OPCML: variants seen among roughly 807,000 people sequenced by gnomAD.
The protein encoded by OPCML is opioid binding protein/cell adhesion molecule like.
OPCML carries 13 observed loss-of-function variants against 37.8 expected under a neutral mutation model. The observed-to-expected ratio is 0.34, with a 90% CI of 0.22 to 0.55. OPCML has a LOEUF of 0.55. Among genes scored for constraint, OPCML ranks in the 20% least tolerant of loss-of-function variants. The probability of loss-of-function intolerance (pLI) is 0.91; values close to 1 mark genes in which losing one functional copy is unlikely to be tolerated. For missense variants in OPCML, 341 were observed against 435.6 expected, an observed-to-expected ratio of 0.78 and a Z score of 1.93; for synonymous variants, 176 against 168.8, an observed-to-expected ratio of 1.04 and a Z score of -0.33.
intron 1 of OPCML, among the ~76,000 whole-genome samples, chr11:133,524,314 G>T (rs1053194943): frequency 6.6e-6 from 1 of 152,176 alleles, no homozygotes; most frequent in Non-Finnish European, 1.5e-5. Context: ...CCTGTGATTT[G>T]CTAAGCTGCT....
At chr11:133,241,330 G>A (rs371939407) in intron 1 of OPCML, among the ~76,000 whole-genome samples, 4 of 152,112 alleles carry the variant, frequency 2.6e-5, no homozygotes, top group Non-Finnish European at 4.4e-5. Flanking sequence ...AATTATTCCC[G>A]AAAAATGAAT....
At chr11:132,697,198 A>G (rs1050662571) in intron 2 of OPCML, among the ~76,000 whole-genome samples, 2 of 152,250 alleles carry the variant, frequency 1.3e-5, no homozygotes, top group Non-Finnish European at 2.9e-5. Flanking sequence ...ATGTTTTGAT[A>G]TATGTATACA....
In OPCML at chr11:132,804,961, C is replaced by A. The variant is rs1158024763; in HGVS notation, c.146+137965G>T. On this transcript the variant is annotated intron_variant, in intron 2 of 7. Coordinates refer to ENST00000524381, the MANE Select transcript of OPCML (RefSeq NM_001012393.5). The stretch of plus-strand genomic sequence containing the variant: ...CACTGAACCCAGATGTTAGAGTTAG[C>A]AGACAAATATTTAAAGCAGCCATTA... Among the ~76,000 whole-genome samples, 3 of 152,088 alleles carry A rather than the reference C, an allele frequency of 2.0e-5. No homozygotes were observed. In the East Asian group the frequency reaches 5.8e-4, roughly 29 times the overall value.
At position 133,458,401 on chromosome 11, in the gene OPCML, T is replaced by A. The variant is rs186610362; in HGVS notation, c.61+73863A>T. On this transcript the variant is annotated intron_variant, in intron 1 of 7. Transcript: ENST00000524381. The stretch of plus-strand genomic sequence containing the variant: ...ACACGTGTGTGTATATATATACACA[T>A]ATATACACGTGTGTGTATATATATA... Among the ~76,000 whole-genome samples, 10 of 48,040 alleles carry A rather than the reference T, an allele frequency of 2.1e-4. 2 individuals are homozygous for A. The highest frequency in any genetic ancestry group is 1.7e-3 in the South Asian group (2 of 1,168). 31.5% of individuals were successfully genotyped at this position (48,040 alleles called of 152,430 possible). A position where few individuals can be genotyped will look rare whatever the true frequency, so the allele number is the denominator to read the frequency against.
chr11:132,597,203 AC>A (rs1329746157), intron 3 of OPCML, among the ~76,000 whole-genome samples: 42 of 152,332 alleles, frequency 2.8e-4, no homozygotes, highest in African/African-American at 1.0e-3. Context: ...TTCTGCAGCT[AC>A]CTCAGCTTAA....
At chr11:132,863,029 C>T (rs2136365355) in intron 2 of OPCML, among the ~76,000 whole-genome samples, 1 of 152,336 alleles carries the variant, frequency 6.6e-6, no homozygotes, top group Admixed American at 6.5e-5. Context: ...TCTGCATACA[C>T]TGTATGCCTG....
chr11:132,436,344 A>C, intron 6 of OPCML, 107 bp from the exon 7 acceptor site: 1 of 1,590,152 alleles, frequency 6.3e-7, no homozygotes, highest in Non-Finnish European at 8.5e-7. Flanking sequence ...AACCCTAAGC[A>C]CTTCAGTGTC....
intron 1 of OPCML, among the ~76,000 whole-genome samples, chr11:133,417,633 AC>A (rs1021866600): frequency 2.4e-5 from 3 of 122,866 alleles, no homozygotes; most frequent in African/African-American, 1.1e-4. Context: ...ATCCCTCCCC[AC>A]TCCCCCGACC....
chr11:133,050,664 T>G (rs2136964558), intron 1 of OPCML, among the ~76,000 whole-genome samples: 1 of 152,222 alleles, frequency 6.6e-6, no homozygotes, highest in South Asian at 2.1e-4. Context: ...TTCTTAGGAT[T>G]TAGTTTCACA....
chr11:133,127,958 G>A (rs1949542427), intron 1 of OPCML, among the ~76,000 whole-genome samples: 1 of 152,048 alleles, frequency 6.6e-6, no homozygotes, highest in Non-Finnish European at 1.5e-5. Context: ...GCATATGGAA[G>A]ACAATGTGGT....
Position 133,058,581 on chromosome 11 carries a change from G to T in OPCML, c.62-115571C>A, listed in dbSNP as rs182930427. On this transcript the variant is annotated intron_variant, in intron 1 of 7. Transcript: ENST00000524381. Reference sequence around the variant, plus strand: ...GCACCTCCTAGAGCCTAGAGTATCAGAAAGCAGCTAGTCCCGCTCCCATCA... The same window carrying T: ...GCACCTCCTAGAGCCTAGAGTATCATAAAGCAGCTAGTCCCGCTCCCATCA... 2.8e-3 allele frequency among the ~76,000 whole-genome samples: 426 copies of T among 152,240 alleles called. 2 individuals are homozygous for T. Among genetic ancestry groups the T allele is most frequent in the Admixed American group, 4.4e-3 (68 of 15,296 alleles).
chr11:133,314,164 G>A (rs1313094553), intron 1 of OPCML, among the ~76,000 whole-genome samples: 1 of 146,272 alleles, frequency 6.8e-6, no homozygotes, highest in African/African-American at 2.6e-5. Flanking sequence ...GAACCCAGGA[G>A]TCGGAGCTTG....
intron 1 of OPCML, among the ~76,000 whole-genome samples, chr11:133,235,626 G>A (rs1323059713): frequency 6.6e-6 from 1 of 152,198 alleles, no homozygotes; most frequent in Admixed American, 6.5e-5. Context: ...AGAGCTGCAA[G>A]AGGTAAAGCT....
intron 1 of OPCML, among the ~76,000 whole-genome samples, chr11:133,092,349 T>C (rs917797456): frequency 7.9e-5 from 12 of 152,160 alleles, no homozygotes; most frequent in Admixed American, 3.3e-4. Context: ...GGGCATCTAA[T>C]ACAAGGTCAA....
chr11:132,667,885 C>T (rs755864141), intron 2 of OPCML, among the ~76,000 whole-genome samples: 1 of 152,216 alleles, frequency 6.6e-6, no homozygotes, highest in Non-Finnish European at 1.5e-5. Context: ...TGACAATATT[C>T]TGCTAGCTTT....
chr11:133,314,899 A>T (rs1943167601), intron 1 of OPCML, among the ~76,000 whole-genome samples: 3 of 152,246 alleles, frequency 2.0e-5, no homozygotes, highest in Admixed American at 1.3e-4. Flanking sequence ...AATCTTGGCA[A>T]TCAGCGTAAC....
chr11:132,689,287 C>T (rs1283170407), intron 2 of OPCML, among the ~76,000 whole-genome samples: 2 of 152,034 alleles, frequency 1.3e-5, no homozygotes, highest in Non-Finnish European at 2.9e-5. Flanking sequence ...GGAATAAGGC[C>T]CTCCTTTGTT....
At chr11:133,459,244 G>A (rs886447094) in intron 1 of OPCML, among the ~76,000 whole-genome samples, 1 of 151,804 alleles carries the variant, frequency 6.6e-6, no homozygotes, top group Non-Finnish European at 1.5e-5. Context: ...AAGGAAATGA[G>A]AAGAAATTCA....
At chr11:133,242,828 G>A (rs1244044646) in intron 1 of OPCML, among the ~76,000 whole-genome samples, 1 of 152,126 alleles carries the variant, frequency 6.6e-6, no homozygotes, top group African/African-American at 2.4e-5. Flanking sequence ...GCAGCTGAGG[G>A]GCTGGCTGTT....
Sources: allele counts gnomAD v4.1 joint callset (sites outside exome capture counted in the v4.1 genomes callset), GRCh38; gene constraint gnomAD v4.1.1; transcripts MANE v1.5; gene names NCBI Gene and HGNC (gene_info 2026-07-23, HGNC 2026-07-21).